The following SSH2 variants were observed in gnomAD, a reference collection of about 807,000 sequenced individuals.
SSH2 encodes the protein slingshot protein phosphatase 2, also known as protein phosphatase Slingshot homolog 2.
In SSH2, 37 loss-of-function variants were observed where a neutral mutation model predicts 135.2. That is an observed-to-expected ratio of 0.27 (90% confidence interval 0.21 to 0.36). The LOEUF is 0.36. Ranked by LOEUF, SSH2 falls within the 10% of genes least tolerant of loss-of-function variation. The probability of loss-of-function intolerance (pLI) is 1.00; values close to 1 mark genes in which losing one functional copy is unlikely to be tolerated. For synonymous variants in SSH2, 628 were observed against 646.2 expected, an observed-to-expected ratio of 0.97 and a Z score of 0.43; for missense variants, 1,408 against 1,765.3, an observed-to-expected ratio of 0.80 and a Z score of 3.63.
intron 2 of SSH2, among the ~76,000 whole-genome samples, chr17:29,796,405 A>G (rs1249531795): frequency 6.6e-6 from 1 of 152,176 alleles, no homozygotes; most frequent in Non-Finnish European, 1.5e-5. Flanking sequence ...CAGTGGCGCA[A>G]TCTCAGCTCA....
At chr17:29,886,413 T>A (rs2151438321) in intron 1 of SSH2, among the ~76,000 whole-genome samples, 1 of 152,034 alleles carries the variant, frequency 6.6e-6, no homozygotes, top group South Asian at 2.1e-4. Context: ...TGGAAGAAAT[T>A]TCTAAGTGGC....
chr17:29,658,086 C>T (rs2036867220), intron 11 of SSH2, among the ~76,000 whole-genome samples: 1 of 151,690 alleles, frequency 6.6e-6, no homozygotes. Flanking sequence ...TCACCGCAAC[C>T]TCTGCCTCCT....
intron 1 of SSH2, among the ~76,000 whole-genome samples, chr17:29,900,724 T>G (rs1198831137): frequency 6.6e-6 from 1 of 152,212 alleles, no homozygotes; most frequent in Non-Finnish European, 1.5e-5. Context: ...AGTGTGGCGA[T>G]TCCTCAGGGA....
chr17:29,918,895 C>T (rs986523663), intron 1 of SSH2, among the ~76,000 whole-genome samples: 27 of 152,168 alleles, frequency 1.8e-4, no homozygotes, highest in African/African-American at 6.0e-4. Flanking sequence ...CAAGATCGTG[C>T]CACTGCACTC....
chr17:29,788,629 T>G (rs1218074403), intron 3 of SSH2, among the ~76,000 whole-genome samples: 2 of 151,498 alleles, frequency 1.3e-5, no homozygotes. Flanking sequence ...CCTTCCTCCC[T>G]TCCTCCCTTC....
intron 14 of SSH2, chr17:29,643,117 G>C: frequency 1.0e-6 from 1 of 985,294 alleles, no homozygotes; most frequent in African/African-American, 1.7e-5. Context: ...TGCAAGGCTT[G>C]ATAGAGCTTC....
intron 3 of SSH2, among the ~76,000 whole-genome samples, chr17:29,709,506 G>A (rs772255562): frequency 3.5e-4 from 54 of 152,176 alleles, no homozygotes; most frequent in African/African-American, 9.9e-4. Flanking sequence ...GCAAAACTCC[G>A]TCTCTACTAA....
rs1450459216 is a variant in SSH2 at position 29,632,692 on chromosome 17, C to G, written c.2502G>C (p.Glu834Asp). The G allele has an allele frequency of 1.2e-6, 2 of 1,614,176 alleles. No individual in the cohort carries two copies. The highest frequency in any genetic ancestry group is 1.7e-6 in the Non-Finnish European group (2 of 1,180,030). Residue 834 changes from glutamate (E) to aspartate (D), a missense_variant, in exon 16 of 16, where the codon GAG becomes GAC. Physicochemically the swap from Glu to Asp is conservative, Grantham distance 45. Transcript: ENST00000540801. ...GTTCAGGCTGGGCTGTGCAGGAGTC[C>G]TCATCTTGCTCCATATGTCCAGGTT... ...ENKPGHMEQD[E>D]DSCTAQPELA... is the part of the protein sequence containing the mutation.
At chr17:29,751,903 C>G in intron 3 of SSH2, among the ~76,000 whole-genome samples, 1 of 151,860 alleles carries the variant, frequency 6.6e-6, no homozygotes, top group South Asian at 2.1e-4. Context: ...TTTTATCACC[C>G]ACCTGCTGTA....
rs544392252 is a variant in SSH2, at chr17:29,919,891, G to T, written c.63+10047C>A. ...GAAAAACAGTAAATCTTAAGCTGCT[G>T]AAACCAGGAGTGATTTATTTATTTA... On this transcript the variant is annotated intron_variant, in intron 1 of 15. Transcript: ENST00000540801. Among the ~76,000 whole-genome samples the T allele has an allele frequency of 2.6e-5, 4 of 152,134 alleles. No individual in the cohort carries two copies. In the South Asian group the frequency reaches 8.3e-4, roughly 32 times the overall value.
intron 3 of SSH2, among the ~76,000 whole-genome samples, chr17:29,756,349 T>A (rs934568714): frequency 1.3e-5 from 2 of 151,640 alleles, no homozygotes; most frequent in African/African-American, 2.4e-5. Context: ...TAGCTCACTG[T>A]AACCTCGGAT....
intron 1 of SSH2, among the ~76,000 whole-genome samples, chr17:29,909,884 C>T (rs2066734053): frequency 6.6e-6 from 1 of 152,152 alleles, no homozygotes; most frequent in Non-Finnish European, 1.5e-5. Flanking sequence ...AAGTCAGCAC[C>T]TGACAGCACT....
intron 3 of SSH2, among the ~76,000 whole-genome samples, chr17:29,751,535 T>A (rs1027792181): frequency 3.3e-5 from 5 of 152,232 alleles, no homozygotes; most frequent in African/African-American, 1.2e-4. Flanking sequence ...TTATGTACTG[T>A]ACATAACTGT....
chr17:29,897,977 C>T (rs188983454), intron 1 of SSH2, among the ~76,000 whole-genome samples: 1 of 152,292 alleles, frequency 6.6e-6, no homozygotes, highest in African/African-American at 2.4e-5. Context: ...AAGAAACTCA[C>T]TCAAAACCGC....
intron 1 of SSH2, among the ~76,000 whole-genome samples, chr17:29,859,627 T>A (rs561854091): frequency 6.6e-6 from 1 of 152,322 alleles, no homozygotes; most frequent in African/African-American, 2.4e-5. Flanking sequence ...ATAATCTTGT[T>A]CTTTTTTATG....
At chr17:29,750,697 TTC>T (rs2040907506) in intron 3 of SSH2, among the ~76,000 whole-genome samples, 1 of 151,224 alleles carries the variant, frequency 6.6e-6, no homozygotes, top group Non-Finnish European at 1.5e-5. Flanking sequence ...TATACCTTTA[TTC>T]CATAAGCTTT....
At chr17:29,919,395 TC>T (rs1333310265) in intron 1 of SSH2, among the ~76,000 whole-genome samples, 1 of 152,198 alleles carries the variant, frequency 6.6e-6, no homozygotes, top group Non-Finnish European at 1.5e-5. Flanking sequence ...ATGGGACCTT[TC>T]ATTACATTTC....
intron 3 of SSH2, among the ~76,000 whole-genome samples, chr17:29,742,663 C>G (rs893197020): frequency 1.3e-5 from 2 of 151,240 alleles, no homozygotes; most frequent in African/African-American, 4.9e-5. Context: ...GAGATGGAGT[C>G]CCACTCTGTC....
chr17:29,650,698 G>A lies in SSH2; in HGVS notation c.1182C>T (p.Leu394=), dbSNP rs934244840. 3.7e-6 allele frequency: 6 copies of A among 1,613,812 alleles called. No homozygotes were observed. In the African/African-American group the frequency reaches 8.0e-5, roughly 22 times the overall value. ...IRVYDEEATD[L]LAYWNDTYKF... is the part of the protein sequence containing the mutation. The stretch of plus-strand genomic sequence containing the variant: ...TGTAAGTGTCATTCCAGTACGCCAG[G>A]AGATCCGTTGCCTCTTCATCATATA... Residue 394 remains leucine, a synonymous_variant, in exon 13 of 16, where the codon CTC becomes CTT. Transcript: ENST00000540801.
Sources: gnomAD v4.1 joint callset for allele counts (sites outside exome capture counted in the v4.1 genomes callset) on GRCh38, gnomAD v4.1.1 for gene constraint, MANE v1.5 for transcripts, NCBI Gene and HGNC (gene_info 2026-07-23, HGNC 2026-07-21) for gene names.